The following DNM1 variants were observed in gnomAD, a reference collection of about 807,000 sequenced individuals.
The protein encoded by DNM1 is dynamin-1.
Under a neutral mutation model 104.6 loss-of-function variants are expected in DNM1, and 29 were observed. The ratio of observed to expected loss-of-function variants is 0.28; its 90% CI spans 0.21 to 0.38. DNM1 has a LOEUF of 0.38. DNM1 is among the 10% of genes least tolerant of loss of function. The probability of loss-of-function intolerance (pLI) is 1.00; values close to 1 mark genes in which losing one functional copy is unlikely to be tolerated. For synonymous variants in DNM1, 445 were observed against 475.8 expected, an observed-to-expected ratio of 0.94 and a Z score of 0.84; for missense variants, 640 against 1,189.4, an observed-to-expected ratio of 0.54 and a Z score of 6.79.
In DNM1 at chr9:128,248,482, C is replaced by T. The variant is rs2131291495; in HGVS notation, c.1906-101C>T. On this transcript the variant is annotated intron_variant, in intron 18 of 21. Transcript: ENST00000372923. The surrounding 1 kb of genome is among the most constrained non-coding windows in gnomAD (Gnocchi z 5.6). ...TCAGGCCAGTCGCTTCTCTCTGTGCCTCAATATTCTGGGTACCCTTGGAGG... is the reference window on the plus strand; with the variant it reads ...TCAGGCCAGTCGCTTCTCTCTGTGCTTCAATATTCTGGGTACCCTTGGAGG... 1 of 1,416,342 alleles carries T rather than the reference C, an allele frequency of 7.1e-7. No individual in the cohort carries two copies. The allele number at this position is 1,416,342 out of a possible 1,614,324, so 87.7% of individuals were successfully genotyped here.
Position 128,243,335 on chromosome 9 carries a change from G to C in DNM1, c.1671+990G>C, listed in dbSNP as rs973301592. Among the ~76,000 whole-genome samples, 1 of 152,196 alleles carries C rather than the reference G, an allele frequency of 6.6e-6. No individual in the cohort carries two copies. The highest frequency in any genetic ancestry group is 1.5e-5 in the Non-Finnish European group (1 of 68,018). ...TGAACTCCAGCTGGCCAAGGAGTGG[G>C]GGAAGGGACCCTCTTCTTCCTGAGG... On this transcript the variant is annotated intron_variant, in intron 15 of 21. Transcript: ENST00000372923. This position sits in a 1 kb window ranked among gnomAD's most constrained non-coding sequence, Gnocchi z 4.0.
chr9:128,235,374 AT>A (rs1835951081), intron 11 of DNM1, among the ~76,000 whole-genome samples: 1 of 151,932 alleles, frequency 6.6e-6, no homozygotes, highest in South Asian at 2.1e-4. Flanking sequence ...GGCGCCTGTA[AT>A]CCCAGCTATT....
Position 128,253,866 on chromosome 9 carries a change from C to T in DNM1, c.2535-788C>T. ...ACCGTAGCCAGCCAGCGGGCTCACG[C>T]ACCTTGGCCTGTTGCTCCTAGGGTC... On this transcript the variant is annotated intron_variant, in intron 21 of 21. Transcript: ENST00000372923. The surrounding 1 kb of genome is among the most constrained non-coding windows in gnomAD (Gnocchi z 5.9). 1 of 1,208,256 alleles carries T rather than the reference C, an allele frequency of 8.3e-7. No homozygotes were observed. Among genetic ancestry groups the T allele is most frequent in the Non-Finnish European group, 1.0e-6 (1 of 967,604 alleles). 74.8% of individuals were successfully genotyped at this position (1,208,256 alleles called of 1,614,324 possible). A position where few individuals can be genotyped will look rare whatever the true frequency, so the allele number is the denominator to read the frequency against.
chr9:128,207,352 C>G (rs2131092773), intron 1 of DNM1, among the ~76,000 whole-genome samples: 1 of 152,140 alleles, frequency 6.6e-6, no homozygotes, highest in Admixed American at 6.5e-5. Flanking sequence ...AGTAGATGAG[C>G]TCATCCTGGG....
rs1309249897 is a variant in DNM1, at chr9:128,222,753, G to A, written c.1129-40G>A. On this transcript the variant is annotated intron_variant, in intron 8 of 21. Coordinates refer to ENST00000372923, the MANE Select transcript of DNM1 (RefSeq NM_004408.4). This position sits in a 1 kb window ranked among gnomAD's most constrained non-coding sequence, Gnocchi z 7.8. ...CCTGTCTTGACCTCCCAGGTAGTAG[G>A]ACAGGCCCTGACCAGGCTTTTCTCT... 6.2e-7 allele frequency: 1 copy of A among 1,613,004 alleles called. No individual in the cohort carries two copies. The highest frequency in any genetic ancestry group is 8.5e-7 in the Non-Finnish European group (1 of 1,179,132).
intron 10 of DNM1, among the ~76,000 whole-genome samples, chr9:128,225,180 A>G (rs940662018): frequency 2.0e-5 from 3 of 152,180 alleles, no homozygotes; most frequent in Non-Finnish European, 4.4e-5. Context: ...CTCCAAGTCC[A>G]GTGCTCCTCG....
chr9:128,250,799 C>T lies in DNM1; in HGVS notation c.2393C>T (p.Pro798Leu). 1 of 1,356,322 alleles carries T rather than the reference C, an allele frequency of 7.4e-7. No homozygotes were observed. The highest frequency in any genetic ancestry group is 9.4e-7 in the Non-Finnish European group (1 of 1,064,910). 84.0% of individuals were successfully genotyped at this position (1,356,322 alleles called of 1,614,324 possible). A position where few individuals can be genotyped will look rare whatever the true frequency, so the allele number is the denominator to read the frequency against. The change falls in exon 21 of 22, where the codon CCT becomes CTT. Residue 798 changes from proline to leucine, a missense_variant. By Grantham distance (98) the Pro-to-Leu change is moderately conservative. Around this residue, in one of 7 missense-constraint regions of DNM1, gnomAD observed 129 missense variants for 224.6 expected, o/e 0.57. Coordinates refer to ENST00000372923, the MANE Select transcript of DNM1 (RefSeq NM_004408.4). The part of the protein sequence containing the change: ...VPPARPGSRG[P>L]APGPPPAGSA... ...CCAGCCCGGCCCGGGTCGCGGGGCCCTGCTCCTGGGCCTCCGCCTGCTGGG... is the reference window on the plus strand; with the variant it reads ...CCAGCCCGGCCCGGGTCGCGGGGCCTTGCTCCTGGGCCTCCGCCTGCTGGG...
In DNM1 at chr9:128,224,899, C is replaced by T. The variant is rs1478926251; in HGVS notation, c.1335+510C>T. ...TTCATCCTCCCCATACTCATCTCAC[C>T]CTCACTCAGGACCCTCACACAGGAT... On this transcript the variant is annotated intron_variant, in intron 10 of 21. Transcript: ENST00000372923. The surrounding 1 kb of genome is among the most constrained non-coding windows in gnomAD (Gnocchi z 4.3). 6.6e-6 allele frequency among the ~76,000 whole-genome samples: 1 copy of T among 152,154 alleles called. No individual in the cohort carries two copies. Among genetic ancestry groups the T allele is most frequent in the Non-Finnish European group, 1.5e-5 (1 of 68,022 alleles).
At chr9:128,209,027 A>G (rs1226495927) in intron 1 of DNM1, among the ~76,000 whole-genome samples, 1 of 152,132 alleles carries the variant, frequency 6.6e-6, no homozygotes, top group Non-Finnish European at 1.5e-5. Flanking sequence ...AGGTGAGACT[A>G]GGAGGGTTGG....
At position 128,219,260 on chromosome 9, in the gene DNM1, C is replaced by T. The variant is rs1588352832; in HGVS notation, c.589+8C>T. ...AGGAGGTGGACCCCCAGGGTAGGTT[C>T]CCACCCGGTGGCCAATGCACAAAAC... On this transcript the variant is annotated splice_region_variant and intron_variant, in intron 4 of 21. Transcript: ENST00000372923. 5 of 1,613,440 alleles carry T rather than the reference C, an allele frequency of 3.1e-6. No individual in the cohort carries two copies. Among genetic ancestry groups the T allele is most frequent in the Non-Finnish European group, 4.2e-6 (5 of 1,179,552 alleles).
chr9:128,244,926 GC>G, intron 15 of DNM1: 1 of 338,270 alleles, frequency 3.0e-6, no homozygotes, highest in South Asian at 2.2e-5. Flanking sequence ...TGTCCCCCTA[GC>G]CCCAGACCAG....
At chr9:128,246,816 C>G (rs1836856998) in intron 16 of DNM1, 2 of 424,960 alleles carry the variant, frequency 4.7e-6, no homozygotes, top group Non-Finnish European at 8.8e-6. Flanking sequence ...CTCCCTCCGT[C>G]CCTTCCTCCC....
intron 14 of DNM1, among the ~76,000 whole-genome samples, chr9:128,241,438 GC>G (rs1836357630): frequency 1.3e-5 from 2 of 152,176 alleles, no homozygotes; most frequent in Non-Finnish European, 2.9e-5. Flanking sequence ...GCACTTTGTG[GC>G]TCAGCCCTTG....
intron 1 of DNM1, among the ~76,000 whole-genome samples, chr9:128,211,393 G>T (rs1042690676): frequency 1.3e-5 from 2 of 151,634 alleles, no homozygotes; most frequent in Non-Finnish European, 2.9e-5. Flanking sequence ...ATTACAGTGC[G>T]TGGGAAAAAT....
intron 10 of DNM1, among the ~76,000 whole-genome samples, chr9:128,225,564 C>T (rs546675473): frequency 5.3e-5 from 8 of 152,304 alleles, no homozygotes; most frequent in African/African-American, 1.4e-4. Context: ...CACTGGGAAA[C>T]GTAGAATTGA....
In DNM1 at chr9:128,218,749, G is replaced by T; in HGVS notation, c.385+18G>T. On this transcript the variant is annotated intron_variant, in intron 3 of 21. Coordinates refer to ENST00000372923, the MANE Select transcript of DNM1 (RefSeq NM_004408.4). This position sits in a 1 kb window ranked among gnomAD's most constrained non-coding sequence, Gnocchi z 4.8. ...GCCGCACGGTGAGGACCCTGGCCCC[G>T]CCCTAACCTCTAAGAATCATTTTCT... is the stretch of plus-strand genomic sequence containing the variant. The T allele has an allele frequency of 6.3e-7, 1 of 1,577,846 alleles. No individual in the cohort carries two copies. The highest frequency in any genetic ancestry group is 8.6e-7 in the Non-Finnish European group (1 of 1,158,970).
rs970298646 is a variant in DNM1, at chr9:128,243,266, G to A, written c.1671+921G>A. 6.6e-6 allele frequency among the ~76,000 whole-genome samples: 1 copy of A among 152,166 alleles called. No individual in the cohort carries two copies. Among genetic ancestry groups the A allele is most frequent in the African/African-American group, 2.4e-5 (1 of 41,422 alleles). On this transcript the variant is annotated intron_variant, in intron 15 of 21. Coordinates refer to ENST00000372923, the MANE Select transcript of DNM1 (RefSeq NM_004408.4). The surrounding 1 kb of genome is among the most constrained non-coding windows in gnomAD (Gnocchi z 4.0). Reference sequence around the variant, plus strand: ...TGGCTTTCACATCTGGATTCCAGAGGTGACCAGAGAGAATGGGGAGGGCTG... The same window carrying A: ...TGGCTTTCACATCTGGATTCCAGAGATGACCAGAGAGAATGGGGAGGGCTG...
Position 128,220,109 on chromosome 9 carries a change from C to A in DNM1, c.688+23C>A. On this transcript the variant is annotated intron_variant, in intron 5 of 21. Transcript: ENST00000372923. The surrounding 1 kb of genome is among the most constrained non-coding windows in gnomAD (Gnocchi z 5.2). ...GAGGTAAGCAGGCCATGCCCCTCAA[C>A]CACTCCCCAGCCCTTCCCCACCCTT... The A allele has an allele frequency of 6.2e-7, 1 of 1,612,758 alleles. No homozygotes were observed. The highest frequency in any genetic ancestry group is 8.5e-7 in the Non-Finnish European group (1 of 1,178,948).
In DNM1 at chr9:128,252,759, G is replaced by A. The variant is rs1588464891; in HGVS notation, c.2534+1819G>A. ...ACGGGTGATCCTCTAAGCACACCAG[G>A]CACGAGTGTGCAGGGAGCTGGTGCA... On this transcript the variant is annotated intron_variant, in intron 21 of 21. Coordinates refer to ENST00000372923, the MANE Select transcript of DNM1 (RefSeq NM_004408.4). 8 of 582,634 alleles carry A rather than the reference G, an allele frequency of 1.4e-5. No homozygotes were observed. In the Admixed American group the frequency reaches 1.7e-4, roughly 13 times the overall value. 36.1% of individuals were successfully genotyped at this position (582,634 alleles called of 1,614,324 possible).
Sources: gnomAD v4.1 joint callset for allele counts (sites outside exome capture counted in the v4.1 genomes callset) on GRCh38, gnomAD v4.1.1 for gene constraint, gnomAD v4.1.1 regional missense constraint, Gnocchi (gnomAD v3.1) non-coding constraint, MANE v1.5 for transcripts, NCBI Gene and HGNC (gene_info 2026-07-23, HGNC 2026-07-21) for gene names.